ATAD2B: variants seen among roughly 807,000 people sequenced by gnomAD.
ATAD2B encodes the protein ATPase family AAA domain-containing protein 2B.
A neutral mutation model predicts 167.6 loss-of-function variants in ATAD2B; 40 were observed. That is an observed-to-expected ratio of 0.24 (90% confidence interval 0.19 to 0.31). The LOEUF (loss-of-function observed/expected upper bound fraction) is 0.31, where lower values mean the gene tolerates loss of function less well. Ranked by LOEUF, ATAD2B falls within the 10% of genes least tolerant of loss-of-function variation. ATAD2B has a pLI of 1.00. For synonymous variants in ATAD2B, 579 were observed against 596.5 expected (o/e 0.97, Z 0.43); for missense variants, 1,242 against 1,757.2 (o/e 0.71, Z 5.24).
downstream of ATAD2B, among the ~76,000 whole-genome samples, chr2:23,745,452 GAAGGAAGGA>G (rs1353563571): frequency 1.3e-5 from 2 of 149,480 alleles, no homozygotes; most frequent in African/African-American, 5.0e-5. Flanking sequence ...GAAGGGAAGG[GAAGGAAGGA>G]AAGGAAGGAA....
At chr2:23,691,415 C>T in the ATAD2B span, 1 of 544,900 alleles carries the variant, frequency 1.8e-6, no homozygotes. Context: ...ATAGCTCATG[C>T]TTTTTGATTT....
chr2:23,827,415 T>C (rs769004723), intron 15 of ATAD2B, among the ~76,000 whole-genome samples: 4 of 151,916 alleles, frequency 2.6e-5, no homozygotes, highest in Non-Finnish European at 5.9e-5. Context: ...TAAACTAGAG[T>C]ATATAATATT....
intron 1 of ATAD2B, among the ~76,000 whole-genome samples, chr2:23,912,317 G>A (rs1423900222): frequency 6.6e-6 from 1 of 151,992 alleles, no homozygotes; most frequent in African/African-American, 2.4e-5. Flanking sequence ...GGCAACAAAG[G>A]GAGATAACAA....
intron 8 of ATAD2B, among the ~76,000 whole-genome samples, chr2:23,874,192 A>G (rs1270783062): frequency 1.3e-5 from 2 of 151,366 alleles, no homozygotes; most frequent in Admixed American, 6.6e-5. Flanking sequence ...ATCCCAAAAA[A>G]AAAAAGAAAA....
intron 19 of ATAD2B, among the ~76,000 whole-genome samples, chr2:23,797,452 A>G (rs1326358529): frequency 6.6e-6 from 1 of 152,128 alleles, no homozygotes; most frequent in East Asian, 1.9e-4. Context: ...ACATGGTGCT[A>G]TCAATGAAAG....
At chr2:23,797,121 G>A (rs1278214977) in intron 19 of ATAD2B, among the ~76,000 whole-genome samples, 2 of 151,896 alleles carry the variant, frequency 1.3e-5, no homozygotes, top group Admixed American at 6.6e-5. Context: ...AAACACAAAA[G>A]AACTCAGTAA....
chr2:23,763,735 G>A (rs912922278), intron 23 of ATAD2B, among the ~76,000 whole-genome samples: 1 of 152,064 alleles, frequency 6.6e-6, no homozygotes, highest in African/African-American at 2.4e-5. Context: ...GATCACAAGT[G>A]TACACCACCA....
intron 22 of ATAD2B, among the ~76,000 whole-genome samples, chr2:23,774,365 G>A (rs1388223037): frequency 6.6e-6 from 1 of 152,156 alleles, no homozygotes; most frequent in Non-Finnish European, 1.5e-5. Context: ...TGAGGTGGGA[G>A]GATCACTGGT....
the ATAD2B span, among the ~76,000 whole-genome samples, chr2:23,737,382 G>T: frequency 6.6e-6 from 1 of 152,078 alleles, no homozygotes; most frequent in African/African-American, 2.4e-5. Flanking sequence ...CAGCATTTGC[G>T]GTTCACCAAT....
chr2:23,912,040 A>ACC (rs1702394855), intron 1 of ATAD2B, among the ~76,000 whole-genome samples: 1 of 152,048 alleles, frequency 6.6e-6, no homozygotes, highest in South Asian at 2.1e-4. Flanking sequence ...ATAATCCTAC[A>ACC]CCCCTAACTG....
intron 19 of ATAD2B, among the ~76,000 whole-genome samples, chr2:23,793,103 C>T (rs1290082703): frequency 6.7e-6 from 1 of 149,198 alleles, no homozygotes; most frequent in East Asian, 2.0e-4. Context: ...TCTGAGTTTT[C>T]AATGCCCCTA....
At chr2:23,697,756 A>ATAT in the ATAD2B span, 4 of 152,200 alleles carry the variant, frequency 2.6e-5, no homozygotes, top group Non-Finnish European at 5.9e-5. Context: ...GAAAATGAGG[A>ATAT]TATTACCGCA....
chr2:23,904,298 T>A (rs1218459683), intron 1 of ATAD2B, among the ~76,000 whole-genome samples: 1 of 151,878 alleles, frequency 6.6e-6, no homozygotes, highest in Non-Finnish European at 1.5e-5. Context: ...ACAAGAGGAG[T>A]TAAACTGCTC....
the ATAD2B span, among the ~76,000 whole-genome samples, chr2:23,715,158 T>C: frequency 6.6e-6 from 1 of 152,256 alleles, no homozygotes; most frequent in African/African-American, 2.4e-5. Flanking sequence ...TTTTATACTT[T>C]GTTAATTTTG....
chr2:23,836,834 G>A (rs74504544), intron 13 of ATAD2B, among the ~76,000 whole-genome samples: 1 of 152,240 alleles, frequency 6.6e-6, no homozygotes, highest in East Asian at 1.9e-4. Flanking sequence ...GGCTGAGCCG[G>A]GGCTTTTATG....
At chr2:23,811,693 C>T (rs1685621077) in intron 17 of ATAD2B, among the ~76,000 whole-genome samples, 1 of 151,962 alleles carries the variant, frequency 6.6e-6, no homozygotes, top group Non-Finnish European at 1.5e-5. Flanking sequence ...ACATGTATAC[C>T]TACGTAACAA....
At chr2:23,876,447 G>A (rs554176070) in intron 7 of ATAD2B, among the ~76,000 whole-genome samples, 4 of 151,804 alleles carry the variant, frequency 2.6e-5, no homozygotes, top group South Asian at 2.1e-4. Flanking sequence ...GATTACAGGC[G>A]CCAGCCACCA....
chr2:23,887,476 T>C (rs750536181), intron 4 of ATAD2B, among the ~76,000 whole-genome samples: 3 of 152,230 alleles, frequency 2.0e-5, no homozygotes, highest in Non-Finnish European at 4.4e-5. Flanking sequence ...TTTGATGTTA[T>C]CACTGTAGAA....
At chr2:23,918,086 G>A (rs891669948) in intron 1 of ATAD2B, among the ~76,000 whole-genome samples, 1 of 151,214 alleles carries the variant, frequency 6.6e-6, no homozygotes, top group Non-Finnish European at 1.5e-5. Flanking sequence ...AAAAATATAA[G>A]CCAGGAGCAG....
Sources: gnomAD v4.1 joint callset for allele counts (sites outside exome capture counted in the v4.1 genomes callset) on GRCh38, gnomAD v4.1.1 for gene constraint, MANE v1.5 for transcripts, NCBI Gene and HGNC (gene_info 2026-07-23, HGNC 2026-07-21) for gene names.